The following KDM4C variants were observed in gnomAD, a reference collection of about 807,000 sequenced individuals.
KDM4C encodes lysine demethylase 4C.
A neutral mutation model predicts 129.3 loss-of-function variants in KDM4C; 81 were observed. The ratio of observed to expected loss-of-function variants is 0.63; its 90% CI spans 0.52 to 0.75. The LOEUF is 0.75. KDM4C is among the 30% of genes least tolerant of loss of function. The pLI is 0.00. For missense variants in KDM4C, 1,457 were observed against 1,304.0 expected (o/e 1.12, Z -1.81); for synonymous variants, 573 against 456.1 (o/e 1.26, Z -3.26).
intron 17 of KDM4C, among the ~76,000 whole-genome samples, chr9:7,062,752 G>T (rs2132706953): frequency 6.6e-6 from 1 of 152,176 alleles, no homozygotes; most frequent in East Asian, 1.9e-4. Flanking sequence ...GGAATCTGTG[G>T]AAGGGGTGAA....
chr9:7,133,967 G>C (rs1158413152), intron 19 of KDM4C, among the ~76,000 whole-genome samples: 1 of 152,200 alleles, frequency 6.6e-6, no homozygotes, highest in African/African-American at 2.4e-5. Context: ...GGCATTGGCA[G>C]ATACCCCTTG....
chr9:7,004,222 T>C (rs752682566), intron 12 of KDM4C, among the ~76,000 whole-genome samples: 4 of 152,234 alleles, frequency 2.6e-5, no homozygotes, highest in Non-Finnish European at 4.4e-5. Flanking sequence ...GTCACTTACA[T>C]GTAACAAAAT....
chr9:7,099,368 G>A (rs989761496), intron 17 of KDM4C, among the ~76,000 whole-genome samples: 1 of 152,138 alleles, frequency 6.6e-6, no homozygotes, highest in Non-Finnish European at 1.5e-5. Context: ...GATATACAAA[G>A]CCTCATTGCC....
chr9:6,763,331 C>T (rs144562579), intron 1 of KDM4C, among the ~76,000 whole-genome samples: 3 of 152,262 alleles, frequency 2.0e-5, no homozygotes, highest in Admixed American at 6.6e-5. Context: ...ACCCCAGTTG[C>T]ACTTCTTTGA....
intron 19 of KDM4C, among the ~76,000 whole-genome samples, chr9:7,134,465 A>G (rs1007573830): frequency 6.6e-6 from 1 of 152,212 alleles, no homozygotes; most frequent in Admixed American, 6.5e-5. Flanking sequence ...TATGTAGCCA[A>G]ATTTCCTTGG....
chr9:6,732,324 C>T (rs1194748332), intron 1 of KDM4C, among the ~76,000 whole-genome samples: 1 of 125,852 alleles, frequency 7.9e-6, no homozygotes, highest in African/African-American at 3.1e-5. Flanking sequence ...GAGATCATGC[C>T]ACTGCACTCC....
intron 1 of KDM4C, among the ~76,000 whole-genome samples, chr9:6,791,480 T>C (rs1247599207): frequency 6.6e-6 from 1 of 152,172 alleles, no homozygotes; most frequent in Admixed American, 6.6e-5. Context: ...CTCATCCCTT[T>C]CTGTCTCCAT....
chr9:6,748,912 A>G (rs748888055), intron 1 of KDM4C: 2 of 939,976 alleles, frequency 2.1e-6, no homozygotes, highest in Non-Finnish European at 3.5e-6. Flanking sequence ...TTTTGTAAGT[A>G]TCTGAAGATG....
At chr9:7,123,615 A>G (rs1187510283) in intron 18 of KDM4C, among the ~76,000 whole-genome samples, 1 of 152,236 alleles carries the variant, frequency 6.6e-6, no homozygotes, top group African/African-American at 2.4e-5. Context: ...TGTGGATAAA[A>G]AGACAAGTTC....
intron 12 of KDM4C, among the ~76,000 whole-genome samples, chr9:7,002,924 G>A (rs557863174): frequency 3.3e-5 from 5 of 152,250 alleles, no homozygotes; most frequent in South Asian, 2.1e-4. Flanking sequence ...GCGGTGGCAC[G>A]ATCTCGGCTC....
chr9:6,918,763 T>C (rs909833320), intron 8 of KDM4C, among the ~76,000 whole-genome samples: 1 of 152,232 alleles, frequency 6.6e-6, no homozygotes, highest in South Asian at 2.1e-4. Flanking sequence ...TGCATTTCTC[T>C]AATGATTAGT....
chr9:7,145,189 G>A (rs907310239), intron 19 of KDM4C, among the ~76,000 whole-genome samples: 31 of 152,208 alleles, frequency 2.0e-4, no homozygotes, highest in African/African-American at 7.5e-4. Flanking sequence ...TGCGTGGCCA[G>A]AGGGTGGCGG....
chr9:6,967,252 C>T (rs980664262), intron 8 of KDM4C, among the ~76,000 whole-genome samples: 9 of 151,690 alleles, frequency 5.9e-5, no homozygotes, highest in African/African-American at 2.2e-4. Flanking sequence ...GGTGAAACCT[C>T]GTCTCTATTA....
intron 8 of KDM4C, among the ~76,000 whole-genome samples, chr9:6,968,399 T>C (rs957038843): frequency 5.9e-5 from 9 of 152,222 alleles, no homozygotes; most frequent in Non-Finnish European, 1.5e-5. Context: ...ATGTGTATGC[T>C]GGGTAGTTCT....
At chr9:7,022,935 A>G (rs914545864) in intron 15 of KDM4C, among the ~76,000 whole-genome samples, 15 of 152,030 alleles carry the variant, frequency 9.9e-5, no homozygotes, top group Admixed American at 3.3e-4. Flanking sequence ...TTCTAATGAT[A>G]TGATGTATCA....
chr9:6,906,375 G>A (rs1416212900), intron 8 of KDM4C, among the ~76,000 whole-genome samples: 1 of 152,118 alleles, frequency 6.6e-6, no homozygotes, highest in African/African-American at 2.4e-5. Context: ...TCTCAGCATC[G>A]TGGTATACCG....
At chr9:6,905,589 C>T (rs1204500540) in intron 8 of KDM4C, among the ~76,000 whole-genome samples, 1 of 152,170 alleles carries the variant, frequency 6.6e-6, no homozygotes, top group Non-Finnish European at 1.5e-5. Flanking sequence ...TAAAATGATT[C>T]TTTTGAGAAA....
chr9:7,011,966 C>T, intron 13 of KDM4C, 87 bp downstream of exon 13: 1 of 1,133,816 alleles, frequency 8.8e-7, no homozygotes, highest in Non-Finnish European at 1.3e-6. Context: ...TTGTTGTGGG[C>T]TTCCTTTGCA....
At chr9:6,849,845 T>C (rs1838512931) in intron 5 of KDM4C, 145 bp downstream of exon 5, 1 of 644,340 alleles carries the variant, frequency 1.6e-6, no homozygotes, top group South Asian at 2.1e-5. Flanking sequence ...TAGTTAATTG[T>C]CTTCTATTCT....
Sources: allele counts gnomAD v4.1 joint callset (sites outside exome capture counted in the v4.1 genomes callset), GRCh38; gene constraint gnomAD v4.1.1; transcripts MANE v1.5; gene names NCBI Gene and HGNC (gene_info 2026-07-23, HGNC 2026-07-21).